Variants in CDH13 observed in about 807,000 individuals in gnomAD.
CDH13 encodes the protein cadherin-13.
CDH13 carries 24 observed loss-of-function variants against 63.8 expected under a neutral mutation model. That is an observed-to-expected ratio of 0.38 (90% confidence interval 0.27 to 0.53). CDH13 has a LOEUF of 0.53. CDH13 is among the 20% of genes least tolerant of loss of function. The pLI, the probability that CDH13 is intolerant of heterozygous loss-of-function variation, is 0.85. For missense variants in CDH13, 1,049 were observed against 903.1 expected, an observed-to-expected ratio of 1.16 and a Z score of -2.07; for synonymous variants, 503 against 355.3, an observed-to-expected ratio of 1.42 and a Z score of -4.67.
intron 5 of CDH13, among the ~76,000 whole-genome samples, chr16:83,230,606 C>A (rs1396515574): frequency 6.6e-6 from 1 of 152,098 alleles, no homozygotes; most frequent in African/African-American, 2.4e-5. Flanking sequence ...GCAAGAGTGG[C>A]CAAAACCCCA....
At chr16:83,618,314 A>C (rs1259598465) in intron 8 of CDH13, among the ~76,000 whole-genome samples, 1 of 151,964 alleles carries the variant, frequency 6.6e-6, no homozygotes, top group African/African-American at 2.4e-5. Flanking sequence ...AGTCCCAGCT[A>C]CTTAGGGGGC....
At chr16:82,693,149 T>C (rs2150979663) in intron 1 of CDH13, among the ~76,000 whole-genome samples, 1 of 152,276 alleles carries the variant, frequency 6.6e-6, no homozygotes, top group South Asian at 2.1e-4. Flanking sequence ...CCAGTTATCA[T>C]GCCATGGACT....
chr16:83,784,631 C>CAAAAA (rs575073144), intron 13 of CDH13, among the ~76,000 whole-genome samples: 6 of 101,196 alleles, frequency 5.9e-5, no homozygotes, highest in Non-Finnish European at 1.3e-4. Context: ...GGCTCTGTCT[C>CAAAAA]AAAAAAAAAA....
At chr16:83,198,014 A>G (rs981735754) in intron 4 of CDH13, among the ~76,000 whole-genome samples, 1 of 152,218 alleles carries the variant, frequency 6.6e-6, no homozygotes, top group Non-Finnish European at 1.5e-5. Flanking sequence ...GTCAATTAAA[A>G]TATGTTTATG....
At chr16:82,786,730 C>T (rs1597578038) in intron 1 of CDH13, among the ~76,000 whole-genome samples, 4 of 149,128 alleles carry the variant, frequency 2.7e-5, no homozygotes, top group Admixed American at 2.1e-4. Flanking sequence ...GTTCAATTCC[C>T]ACCTATGAGT....
chr16:82,673,194 G>A (rs759339900), intron 1 of CDH13, among the ~76,000 whole-genome samples: 22 of 151,718 alleles, frequency 1.5e-4, no homozygotes, highest in Non-Finnish European at 2.4e-4. Flanking sequence ...ACGAAGCCCC[G>A]GGTAGGAATT....
intron 8 of CDH13, among the ~76,000 whole-genome samples, chr16:83,623,533 C>T (rs1910005052): frequency 6.6e-6 from 1 of 152,136 alleles, no homozygotes; most frequent in Non-Finnish European, 1.5e-5. Context: ...AAAGAATGTC[C>T]GTTGCATTAA....
intron 2 of CDH13, among the ~76,000 whole-genome samples, chr16:82,885,141 T>C (rs1251349251): frequency 3.3e-5 from 5 of 152,224 alleles, no homozygotes; most frequent in Non-Finnish European, 7.3e-5. Flanking sequence ...AAGAGATGGA[T>C]ACAAAGATGG....
intron 5 of CDH13, among the ~76,000 whole-genome samples, chr16:83,246,103 T>A (rs998981033): frequency 5.9e-5 from 9 of 152,214 alleles, no homozygotes; most frequent in African/African-American, 2.2e-4. Context: ...TTATTTATTG[T>A]TACAGTCAAG....
At chr16:83,151,945 AAAAAAAAAGAAAAGGAAAAG>A (rs1473576686) in intron 4 of CDH13, among the ~76,000 whole-genome samples, 1 of 151,240 alleles carries the variant, frequency 6.6e-6, no homozygotes, top group Admixed American at 6.6e-5. Context: ...CTGGGCAACA[AAAAAAAAAGAAAAGGAAAAG>A]AAAAAAAAGA....
chr16:82,642,174 T>C (rs925245779), intron 1 of CDH13, among the ~76,000 whole-genome samples: 2 of 151,810 alleles, frequency 1.3e-5, no homozygotes, highest in Non-Finnish European at 1.5e-5. Flanking sequence ...ACCTAACTCA[T>C]TGGACTGCTT....
chr16:82,913,911 G>A lies in CDH13; in HGVS notation c.157+55438G>A, dbSNP rs534198366. 2.6e-5 allele frequency among the ~76,000 whole-genome samples: 4 copies of A among 152,202 alleles called. No homozygotes were observed. The South Asian group carries it at 8.3e-4, about 32-fold the overall frequency. ...TAAGGAGACTGCTGAGAAACAGAGT[G>A]GTGCACACTTAGGGTTATTTTACTG... On this transcript the variant is annotated intron_variant, in intron 2 of 13. Coordinates refer to ENST00000567109, the MANE Select transcript of CDH13 (RefSeq NM_001257.5).
chr16:82,643,985 A>T (rs767255105), intron 1 of CDH13, among the ~76,000 whole-genome samples: 2 of 152,118 alleles, frequency 1.3e-5, no homozygotes, highest in Non-Finnish European at 2.9e-5. Flanking sequence ...CCTGGCTTCA[A>T]GTGATCCTCC....
intron 1 of CDH13, among the ~76,000 whole-genome samples, chr16:82,756,819 A>C (rs370036338): frequency 3.3e-5 from 5 of 152,282 alleles, no homozygotes; most frequent in African/African-American, 1.2e-4. Context: ...ATGATGAGAG[A>C]GACAGACTGT....
chr16:82,694,789 A>G (rs2030056940), intron 1 of CDH13, among the ~76,000 whole-genome samples: 1 of 152,194 alleles, frequency 6.6e-6, no homozygotes, highest in Non-Finnish European at 1.5e-5. Context: ...CCCTGGAGAT[A>G]TAAGAGGGAG....
intron 1 of CDH13, among the ~76,000 whole-genome samples, chr16:82,740,553 A>G (rs960505856): frequency 6.6e-6 from 1 of 152,184 alleles, no homozygotes; most frequent in African/African-American, 2.4e-5. Context: ...ATTGCTCCAT[A>G]GGCTGAGGGG....
intron 7 of CDH13, among the ~76,000 whole-genome samples, chr16:83,495,637 AT>A (rs1455095347): frequency 6.6e-6 from 1 of 152,172 alleles, no homozygotes; most frequent in Non-Finnish European, 1.5e-5. Flanking sequence ...AAAGAAACAT[AT>A]TTGGGGTTAA....
At chr16:83,617,574 T>C (rs1279354227) in intron 8 of CDH13, among the ~76,000 whole-genome samples, 1 of 151,384 alleles carries the variant, frequency 6.6e-6, no homozygotes, top group Non-Finnish European at 1.5e-5. Flanking sequence ...ATGCACATAT[T>C]CAATTCTAAT....
intron 1 of CDH13, among the ~76,000 whole-genome samples, chr16:82,705,755 C>T (rs2031434852): frequency 6.6e-6 from 1 of 152,144 alleles, no homozygotes. Flanking sequence ...CTTATGTCAG[C>T]CTTAGACAAT....
Sources: allele counts gnomAD v4.1 joint callset (sites outside exome capture counted in the v4.1 genomes callset), GRCh38; gene constraint gnomAD v4.1.1; transcripts MANE v1.5; gene names NCBI Gene and HGNC (gene_info 2026-07-23, HGNC 2026-07-21).